Variants in BRSK2 observed in about 807,000 individuals in gnomAD.
The protein encoded by BRSK2 is serine/threonine-protein kinase BRSK2.
A neutral mutation model predicts 83.3 loss-of-function variants in BRSK2; 19 were observed. That is an observed-to-expected ratio of 0.23 (90% CI 0.16 to 0.33). BRSK2 has a LOEUF of 0.33. BRSK2 is among the 10% of genes least tolerant of loss of function. BRSK2 has a pLI of 1.00. For synonymous variants in BRSK2, 519 were observed against 435.4 expected, an observed-to-expected ratio of 1.19 and a Z score of -2.39; for missense variants, 798 against 1,042.3, an observed-to-expected ratio of 0.77 and a Z score of 3.23.
At position 1,423,540 on chromosome 11, in the gene BRSK2, A is replaced by G. The variant is rs116616263; in HGVS notation, c.92-12500A>G. ...GTGTGAGCAGAGGACGGCACTCGCG[A>G]GCTCCCTGGGGCTCCTCAGACCCGG... On this transcript the variant is annotated intron_variant, in intron 1 of 19. Coordinates refer to ENST00000528841, the MANE Select transcript of BRSK2 (RefSeq NM_001256627.2). The surrounding 1 kb of genome is among the most constrained non-coding windows in gnomAD (Gnocchi z 6.5). 2.7e-3 allele frequency among the ~76,000 whole-genome samples: 414 copies of G among 152,194 alleles called. 5 individuals are homozygous for G. Among genetic ancestry groups the G allele is most frequent in the African/African-American group, 9.6e-3 (397 of 41,500 alleles).
intron 2 of BRSK2, among the ~76,000 whole-genome samples, chr11:1,436,563 C>G (rs1850326536): frequency 6.6e-6 from 1 of 152,148 alleles, no homozygotes; most frequent in Non-Finnish European, 1.5e-5. Flanking sequence ...TCGGCTCCAT[C>G]CGGTGGTGTC....
In BRSK2 at chr11:1,390,759, G is replaced by T. The variant is rs1845674612; in HGVS notation, c.91+384G>T. Among the ~76,000 whole-genome samples, 1 of 151,816 alleles carries T rather than the reference G, an allele frequency of 6.6e-6. No individual in the cohort carries two copies. The highest frequency in any genetic ancestry group is 2.4e-5 in the African/African-American group (1 of 41,382). ...CCGCGCGGGCGCCCATCTGCCGTCT[G>T]CCGCGGCCGCGCTAATAGGCGTGCT... is the stretch of plus-strand genomic sequence containing the variant. On this transcript the variant is annotated intron_variant, in intron 1 of 19. Coordinates refer to ENST00000528841, the MANE Select transcript of BRSK2 (RefSeq NM_001256627.2). This position sits in a 1 kb window ranked among gnomAD's most constrained non-coding sequence, Gnocchi z 6.8.
rs1030406900 is a variant in BRSK2 at position 1,436,247 on chromosome 11, C to T, written c.186+113C>T. On this transcript the variant is annotated intron_variant, in intron 2 of 19. Coordinates refer to ENST00000528841, the MANE Select transcript of BRSK2 (RefSeq NM_001256627.2). ...GCGGTGCTGGATGCGGGTGGGGGGGCGGGCCCTGCAGGCTCCTGGGCCGCC... is the reference window on the plus strand; with the variant it reads ...GCGGTGCTGGATGCGGGTGGGGGGGTGGGCCCTGCAGGCTCCTGGGCCGCC... The T allele has an allele frequency of 7.6e-5, 36 of 473,682 alleles. 1 individual carries two copies. In the South Asian group the frequency reaches 2.9e-3, roughly 38 times the overall value. The allele number at this position is 473,682 out of a possible 1,614,324, so 29.3% of individuals were successfully genotyped here.
chr11:1,396,415 C>T (rs116911423), intron 1 of BRSK2, among the ~76,000 whole-genome samples: 2,301 of 152,324 alleles, frequency 0.015, 39 homozygotes, highest in African/African-American at 0.02. Context: ...GGTTCTCACT[C>T]CCGAGTCTGC....
chr11:1,460,718 C>T lies in BRSK2; in HGVS notation c.2206C>T (p.Pro736Ser). ...MGPPTARREQP is the reference protein window; with the variant it reads ...MGPPTARREQS ...CCCGCCCACCGCCCGCCGCGAGCAG[C>T]CTTAGACACACTAGCCCCCCCCCCC... Residue 736 changes from proline to serine, a missense_variant, in exon 20 of 20, where the codon CCT becomes TCT. Around this residue, in one of 6 missense-constraint regions of BRSK2, gnomAD observed 455 missense variants for 455.2 expected, o/e 1.00. Coordinates refer to ENST00000528841, the MANE Select transcript of BRSK2 (RefSeq NM_001256627.2). 7.0e-7 allele frequency: 1 copy of T among 1,434,050 alleles called. No individual in the cohort carries two copies. The highest frequency in any genetic ancestry group is 9.2e-7 in the Non-Finnish European group (1 of 1,089,912). The allele number at this position is 1,434,050 out of a possible 1,614,324, so 88.8% of individuals were successfully genotyped here.
At chr11:1,443,443 C>T in intron 7 of BRSK2, 40 bp downstream of exon 7, 9 of 1,577,808 alleles carry the variant, frequency 5.7e-6, no homozygotes, top group Non-Finnish European at 7.7e-6. Context: ...TGGCCTCTCC[C>T]CAAACCTGCC....
Position 1,451,387 on chromosome 11 carries a change from G to T in BRSK2, c.1512G>T (p.Glu504Asp), listed in dbSNP as rs1428713195. The change falls in exon 15 of 20, where the codon GAG (glutamate) becomes GAT (aspartate). Residue 504 changes from glutamate (E) to aspartate (D), a missense_variant. This residue lies in a region of BRSK2 where 455 missense variants were observed against 455.2 expected (regional missense o/e 1.00). Transcript: ENST00000528841. ...RRKLQVPTPE[E>D]MSNLTPESSP... ...TGTGCACAGTTCCGACGCCGGAGGA[G>T]ATGTCCAACCTGACACCAGAGTCGT... The T allele has an allele frequency of 6.2e-7, 1 of 1,612,872 alleles. No individual in the cohort carries two copies. Among genetic ancestry groups the T allele is most frequent in the Non-Finnish European group, 8.5e-7 (1 of 1,179,920 alleles).
At chr11:1,433,257 C>T (rs12365382) in intron 1 of BRSK2, among the ~76,000 whole-genome samples, 63,764 of 142,724 alleles carry the variant, frequency 0.45, 15,751 homozygotes, top group Middle Eastern at 0.57. Context: ...CAGGGCTTCG[C>T]CACCTACCCT....
chr11:1,408,701 G>A (rs1306293418), intron 1 of BRSK2, among the ~76,000 whole-genome samples: 1 of 152,182 alleles, frequency 6.6e-6, no homozygotes, highest in African/African-American at 2.4e-5. Flanking sequence ...GAGTCAGGTG[G>A]GGTGTGTGTG....
At chr11:1,447,981 CGGTGAAG>C in intron 12 of BRSK2, 2 of 1,034,300 alleles carry the variant, frequency 1.9e-6, no homozygotes, top group Non-Finnish European at 2.9e-6. Flanking sequence ...GCTCCTGCTG[CGGTGAAG>C]CCAGCCAGCA....
intron 14 of BRSK2, 57 bp downstream of exon 14, chr11:1,450,851 G>C (rs755184827): frequency 1.2e-4 from 185 of 1,492,154 alleles, no homozygotes; most frequent in Non-Finnish European, 1.5e-4. Context: ...AGGCTGCCTT[G>C]GGGAGGGCCC....
intron 1 of BRSK2, among the ~76,000 whole-genome samples, chr11:1,433,738 G>A (rs1281275550): frequency 3.3e-5 from 5 of 152,246 alleles, no homozygotes; most frequent in East Asian, 1.9e-4. Flanking sequence ...CCGGCTGAGC[G>A]AATCACAAGC....
intron 3 of BRSK2, among the ~76,000 whole-genome samples, chr11:1,439,006 G>GT (rs917639984): frequency 6.6e-6 from 1 of 152,342 alleles, no homozygotes; most frequent in Admixed American, 6.5e-5. Context: ...TCTCCTCTGT[G>GT]TGCTCTGATG....
intron 1 of BRSK2, among the ~76,000 whole-genome samples, chr11:1,391,407 C>G (rs1270215236): frequency 1.3e-5 from 2 of 152,210 alleles, no homozygotes; most frequent in Non-Finnish European, 2.9e-5. Flanking sequence ...CAGCCCCTCA[C>G]GGCTGCACAG....
rs563147184 is a variant in BRSK2 at position 1,460,097 on chromosome 11, G to T, written c.1988-403G>T. Among the ~76,000 whole-genome samples the T allele has an allele frequency of 1.5e-4, 23 of 152,212 alleles. No individual in the cohort carries two copies. In the South Asian group the frequency reaches 3.9e-3, roughly 26 times the overall value. On this transcript the variant is annotated intron_variant, in intron 19 of 19. Coordinates refer to ENST00000528841, the MANE Select transcript of BRSK2 (RefSeq NM_001256627.2). ...CACGGCTGCAAGGTGGGGAGGGAAGGGGGGTGGGGCAGGGCCTTCCGGGCC... is the reference window on the plus strand; with the variant it reads ...CACGGCTGCAAGGTGGGGAGGGAAGTGGGGTGGGGCAGGGCCTTCCGGGCC...
Position 1,460,771 on chromosome 11 carries a change from C to T in BRSK2, c.*48C>T. On this transcript the variant is annotated 3_prime_UTR_variant, in exon 20 of 20. Transcript: ENST00000528841. The stretch of plus-strand genomic sequence containing the variant: ...CACAGCACTGACAGCGGCTGCCTCG[C>T]CGCCCGCCGCCCGCCCTGCCCCGAG... 1 of 1,406,882 alleles carries T rather than the reference C, an allele frequency of 7.1e-7. No homozygotes were observed. The highest frequency in any genetic ancestry group is 1.5e-5 in the African/African-American group (1 of 65,902). The allele number at this position is 1,406,882 out of a possible 1,614,324, so 87.1% of individuals were successfully genotyped here. A position where few individuals can be genotyped will look rare whatever the true frequency, so the allele number is the denominator to read the frequency against.
intron 7 of BRSK2, 24 bp from the exon 8 acceptor site, chr11:1,443,465 A>AC: frequency 1.9e-6 from 3 of 1,560,284 alleles, no homozygotes; most frequent in Admixed American, 1.8e-5. Context: ...CCCCACGCTG[A>AC]CCCCCACACC....
At position 1,390,411 on chromosome 11, in the gene BRSK2, G is replaced by A. The variant is rs760584411; in HGVS notation, c.91+36G>A. On this transcript the variant is annotated intron_variant, in intron 1 of 19. Coordinates refer to ENST00000528841, the MANE Select transcript of BRSK2 (RefSeq NM_001256627.2). The surrounding 1 kb of genome is among the most constrained non-coding windows in gnomAD (Gnocchi z 6.8). ...CCGGGGCGGGGACCGGGGCCGGGGA[G>A]GCCGCGCTGGCAGCGCGCTGGGTGG... 9.0e-6 allele frequency: 9 copies of A among 999,554 alleles called. No homozygotes were observed. In the South Asian group the frequency reaches 4.1e-4, roughly 45 times the overall value. The allele number at this position is 999,554 out of a possible 1,614,324, so 61.9% of individuals were successfully genotyped here. A position where few individuals can be genotyped will look rare whatever the true frequency, so the allele number is the denominator to read the frequency against.
Position 1,411,743 on chromosome 11 carries a change from G to T in BRSK2, c.91+21368G>T, listed in dbSNP as rs1052787086. 53 of 1,443,424 alleles carry T rather than the reference G, an allele frequency of 3.7e-5. No individual in the cohort carries two copies. In the African/African-American group the frequency reaches 6.8e-4, roughly 19 times the overall value. The allele number at this position is 1,443,424 out of a possible 1,614,324, so 89.4% of individuals were successfully genotyped here. A position where few individuals can be genotyped will look rare whatever the true frequency, so the allele number is the denominator to read the frequency against. ...ACGGGGGACCTCGCCAGCACTGGTG[G>T]GCTGCACCTGCTGGGAGGGCCAGCT... On this transcript the variant is annotated intron_variant, in intron 1 of 19. Coordinates refer to ENST00000528841, the MANE Select transcript of BRSK2 (RefSeq NM_001256627.2).
Sources: gnomAD v4.1 joint callset for allele counts (sites outside exome capture counted in the v4.1 genomes callset) on GRCh38, gnomAD v4.1.1 for gene constraint, gnomAD v4.1.1 regional missense constraint, Gnocchi (gnomAD v3.1) non-coding constraint, MANE v1.5 for transcripts, NCBI Gene and HGNC (gene_info 2026-07-23, HGNC 2026-07-21) for gene names.